ALDH1L1: variants seen among roughly 807,000 people sequenced by gnomAD.
The protein encoded by ALDH1L1 is cytosolic 10-formyltetrahydrofolate dehydrogenase.
A neutral mutation model predicts 101.1 loss-of-function variants in ALDH1L1; 68 were observed. That is an observed-to-expected ratio of 0.67 (90% CI 0.55 to 0.82). The LOEUF is 0.82. Among genes scored for constraint, ALDH1L1 ranks in the 40% least tolerant of loss-of-function variants. The pLI is 0.00. For missense variants in ALDH1L1, 1,087 were observed against 1,172.7 expected (o/e 0.93, Z 1.07); for synonymous variants, 486 against 470.8 (o/e 1.03, Z -0.42).
intron 14 of ALDH1L1, chr3:126,129,991 C>A (rs2080266998): frequency 2.6e-6 from 1 of 381,832 alleles, no homozygotes; most frequent in African/African-American, 2.1e-5. Context: ...TGGGTTTACT[C>A]TTGTTTCCCA....
chr3:126,148,085 TC>T (rs1190987413), intron 8 of ALDH1L1, among the ~76,000 whole-genome samples: 1 of 152,114 alleles, frequency 6.6e-6, no homozygotes, highest in Non-Finnish European at 1.5e-5. Flanking sequence ...CCACCAGTTG[TC>T]CCCTACTGGA....
intron 17 of ALDH1L1, 66 bp from the exon 18 acceptor site, chr3:126,114,722 G>GTCCC: frequency 1.4e-6 from 2 of 1,480,878 alleles, no homozygotes; most frequent in Non-Finnish European, 1.9e-6. Context: ...GGGACCCCAG[G>GTCCC]TGGCAGGGAC....
chr3:126,137,049 G>A (rs988835325), intron 10 of ALDH1L1, among the ~76,000 whole-genome samples, 166 bp from the exon 11 acceptor site: 1 of 152,242 alleles, frequency 6.6e-6, no homozygotes, highest in Admixed American at 6.5e-5. Context: ...AGGCTCTGAG[G>A]CCAGGCTGCC....
chr3:126,115,230 A>G (rs892431638), intron 17 of ALDH1L1: 3 of 385,986 alleles, frequency 7.8e-6, no homozygotes, highest in African/African-American at 2.1e-5. Flanking sequence ...GCAAACAGAG[A>G]GGCTGGGAGT....
intron 17 of ALDH1L1, among the ~76,000 whole-genome samples, chr3:126,115,997 A>G (rs1576418552): frequency 6.7e-6 from 1 of 149,368 alleles, no homozygotes; most frequent in African/African-American, 2.5e-5. Flanking sequence ...CTCAGCCTCT[A>G]GAGTAGCTGG....
intron 1 of ALDH1L1, among the ~76,000 whole-genome samples, chr3:126,162,441 C>T (rs942974311): frequency 6.6e-6 from 1 of 152,154 alleles, no homozygotes; most frequent in Non-Finnish European, 1.5e-5. Flanking sequence ...ATGCCTTTTC[C>T]TGTTTCTTGG....
At chr3:126,181,052 C>A, upstream of ALDH1L1, 7 of 1,548,414 alleles carry the variant, frequency 4.5e-6, no homozygotes, top group Non-Finnish European at 6.1e-6. Context: ...TTAGCAGCTG[C>A]GCATCCGGGT....
rs202042780 is a variant in ALDH1L1, at chr3:126,160,860, G to A, written c.120C>T (p.Asp40=). ...CTCCATTGGCTCACTCACCCAGGGG[G>A]TCGGCCTTTCCATCCTTGTCTGGAA... ...FTVPDKDGKA[D]PLGLEAEKDG... is the part of the protein sequence containing the mutation. The change falls in exon 2 of 23, where the codon GAC becomes GAT. Residue 40 remains aspartate, a synonymous_variant. Transcript: ENST00000393434. The A allele has an allele frequency of 1.2e-6, 2 of 1,614,010 alleles. No homozygotes were observed. Among genetic ancestry groups the A allele is most frequent in the Non-Finnish European group, 8.5e-7 (1 of 1,179,926 alleles).
chr3:126,120,400 A>G (rs1009013053), intron 16 of ALDH1L1, among the ~76,000 whole-genome samples: 4 of 152,240 alleles, frequency 2.6e-5, no homozygotes, highest in African/African-American at 9.6e-5. Context: ...TTGCAATTAC[A>G]TGACATTCTG....
chr3:126,174,816 A>G (rs2081342960), intron 1 of ALDH1L1, among the ~76,000 whole-genome samples: 1 of 152,168 alleles, frequency 6.6e-6, no homozygotes, highest in East Asian at 1.9e-4. Context: ...AGCTAAAAGC[A>G]AGTTTCCAAA....
intron 16 of ALDH1L1, among the ~76,000 whole-genome samples, 186 bp downstream of exon 16, chr3:126,124,178 A>G (rs893803434): frequency 6.6e-6 from 1 of 152,062 alleles, no homozygotes; most frequent in African/African-American, 2.4e-5. Context: ...GCATCTGAAG[A>G]CGAAAGCCCT....
chr3:126,125,489 G>T, intron 15 of ALDH1L1, 127 bp downstream of exon 15: 1 of 623,682 alleles, frequency 1.6e-6, no homozygotes, highest in Non-Finnish European at 2.4e-6. Flanking sequence ...AGGGCAGCTG[G>T]CATTAGCAGG....
At chr3:126,152,901 G>T (rs956128598) in intron 7 of ALDH1L1, 1 of 193,972 alleles carries the variant, frequency 5.2e-6, no homozygotes, top group Non-Finnish European at 1.1e-5. Context: ...TAAATTTAAC[G>T]CATATACATT....
At chr3:126,182,165 G>T (rs1258223637), upstream of ALDH1L1, among the ~76,000 whole-genome samples, 2 of 150,496 alleles carry the variant, frequency 1.3e-5, no homozygotes, top group African/African-American at 2.4e-5. Flanking sequence ...ATTTTTTTTT[G>T]AGGTAGAGTC....
At chr3:126,190,930 G>C (rs1408827321) in intron 1 of ALDH1L1, among the ~76,000 whole-genome samples, 1 of 152,222 alleles carries the variant, frequency 6.6e-6, no homozygotes, top group African/African-American at 2.4e-5. Flanking sequence ...AAGCTCTGCA[G>C]GTTAGGCTGA....
chr3:126,115,074 G>T (rs1361465162), intron 17 of ALDH1L1: 1 of 457,330 alleles, frequency 2.2e-6, no homozygotes, highest in Non-Finnish European at 4.4e-6. Context: ...GCACGCATCT[G>T]TCTGGGTCCT....
chr3:126,112,690 A>G, intron 19 of ALDH1L1, 92 bp downstream of exon 19: 1 of 1,265,344 alleles, frequency 7.9e-7, no homozygotes, highest in African/African-American at 1.5e-5. Context: ...GCCTCACTTG[A>G]CCCTGCCCTG....
At chr3:126,114,434 C>T (rs1030084113) in intron 18 of ALDH1L1, 123 bp downstream of exon 18, 25 of 714,606 alleles carry the variant, frequency 3.5e-5, no homozygotes, top group Middle Eastern at 3.9e-4. Context: ...CTTGTGATGA[C>T]GCTATGGACT....
At chr3:126,126,089 G>C (rs2080176959) in intron 14 of ALDH1L1, among the ~76,000 whole-genome samples, 1 of 152,162 alleles carries the variant, frequency 6.6e-6, no homozygotes, top group African/African-American at 2.4e-5. Flanking sequence ...ACCAGGGGTG[G>C]GTCAGGAGGG....
Sources: allele counts gnomAD v4.1 joint callset (sites outside exome capture counted in the v4.1 genomes callset), GRCh38; gene constraint gnomAD v4.1.1; transcripts MANE v1.5; gene names NCBI Gene and HGNC (gene_info 2026-07-23, HGNC 2026-07-21).